NBPF12: variants seen among roughly 807,000 people sequenced by gnomAD.
The protein encoded by NBPF12 is NBPF member 12, also known as NBPF family member NBPF12.
A neutral mutation model predicts 146.4 loss-of-function variants in NBPF12; 115 were observed. That is an observed-to-expected ratio of 0.79 (90% CI 0.68 to 0.92). NBPF12 has a LOEUF of 0.92. Among genes scored for constraint, NBPF12 ranks in the 40% least tolerant of loss-of-function variants. NBPF12 has a pLI of 0.00. For synonymous variants in NBPF12, 385 were observed against 508.9 expected (o/e 0.76, Z 3.28); for missense variants, 1,205 against 1,326.8 (o/e 0.91, Z 1.43).
chr1:146,970,019 C>T (rs1348720005), intron 11 of NBPF12, among the ~76,000 whole-genome samples: 1 of 149,582 alleles, frequency 6.7e-6, no homozygotes, highest in Non-Finnish European at 1.5e-5. Flanking sequence ...CAAAGGCAGA[C>T]AAATTGTCTC....
intron 11 of NBPF12, among the ~76,000 whole-genome samples, chr1:146,970,142 G>T (rs1258351091): frequency 6.6e-6 from 1 of 150,702 alleles, no homozygotes; most frequent in Admixed American, 6.6e-5. Context: ...GGGGCATTTG[G>T]TGGTAGGAAG....
intron 11 of NBPF12, among the ~76,000 whole-genome samples, chr1:146,969,908 G>T (rs1656474606): frequency 6.6e-6 from 1 of 150,892 alleles, no homozygotes; most frequent in African/African-American, 2.5e-5. Flanking sequence ...AAAGAGCTCT[G>T]GGCTAAGAAT....
At chr1:146,962,168 A>G in exon 5 of NBPF12, 1 of 1,608,790 alleles carries the variant, frequency 6.2e-7, no homozygotes, top group South Asian at 1.1e-5. Flanking sequence ...CAGAGTATGA[A>G]GAGTGTAAAG....
intron 19 of NBPF12, among the ~76,000 whole-genome samples, chr1:146,981,602 C>A (rs1484890687): frequency 6.6e-6 from 1 of 151,792 alleles, no homozygotes; most frequent in Admixed American, 6.6e-5. Context: ...TGTTGGCCTT[C>A]CTTGTTAGGT....
At chr1:146,994,691 G>C (rs1312812641) in exon 34 of NBPF12, 2 of 1,509,680 alleles carry the variant, frequency 1.3e-6, no homozygotes, top group Non-Finnish European at 1.8e-6. Flanking sequence ...GGGTCAGTGG[G>C]CATGGCTCTA....
At chr1:146,963,457 G>A (rs1395059918) in intron 6 of NBPF12, 148 bp downstream of exon 9, 1 of 1,554,566 alleles carries the variant, frequency 6.4e-7, no homozygotes, top group African/African-American at 1.4e-5. Flanking sequence ...TCCTGGGTAA[G>A]AACAGAAATG....
intron 14 of NBPF12, among the ~76,000 whole-genome samples, chr1:146,973,455 C>T (rs1656787843): frequency 6.6e-6 from 1 of 150,706 alleles, no homozygotes; most frequent in Admixed American, 6.6e-5. Context: ...GGAGTCTGCT[C>T]CTAATAGAAC....
At chr1:146,951,291 A>G in intron 1 of NBPF12, 57 bp from the exon 5 acceptor site, 1 of 698,020 alleles carries the variant, frequency 1.4e-6, no homozygotes, top group East Asian at 2.7e-5. Context: ...AAAGTGTCTC[A>G]TTGGTAAAAC....
At chr1:146,938,890 G>C (rs1368069886) in exon 1 of NBPF12, 1 of 152,164 alleles carries the variant, frequency 6.6e-6, no homozygotes, top group African/African-American at 2.4e-5. Context: ...CGGGCGACCT[G>C]CGGCGCCAGG....
At chr1:146,992,536 C>A (rs1209999232) in intron 31 of NBPF12, among the ~76,000 whole-genome samples, 176 bp from the exon 35 acceptor site, 2 of 128,390 alleles carry the variant, frequency 1.6e-5, no homozygotes, top group East Asian at 5.1e-4. Context: ...CTCTTTCATT[C>A]TTTTCCATTT....
At chr1:146,961,629 T>C (rs1190304032) in intron 4 of NBPF12, among the ~76,000 whole-genome samples, 5 of 152,076 alleles carry the variant, frequency 3.3e-5, no homozygotes, top group African/African-American at 1.2e-4. Flanking sequence ...GGCCTTATTT[T>C]CTTATGTCTC....
chr1:146,939,399 G>A (rs1448226222), intron 1 of NBPF12, among the ~76,000 whole-genome samples: 40 of 152,076 alleles, frequency 2.6e-4, no homozygotes, highest in Non-Finnish European at 3.7e-4. Context: ...ATTGGCCTCC[G>A]GGATTCTGCT....
chr1:146,943,498 A>T (rs1468579324), exon 2 of NBPF12: 22 of 1,393,252 alleles, frequency 1.6e-5, no homozygotes, highest in Non-Finnish European at 2.1e-5. Flanking sequence ...AAACTTACCC[A>T]TTCAGTGCAC....
intron 9 of NBPF12, among the ~76,000 whole-genome samples, chr1:146,967,788 T>TA (rs1194034699): frequency 6.6e-6 from 1 of 150,534 alleles, no homozygotes; most frequent in African/African-American, 2.5e-5. Context: ...ACATGAGCTA[T>TA]TTCTTGTCAA....
intron 11 of NBPF12, among the ~76,000 whole-genome samples, chr1:146,969,832 G>A (rs1165363711): frequency 6.6e-6 from 1 of 151,190 alleles, no homozygotes; most frequent in Admixed American, 6.6e-5. Context: ...TGGAGCAAGA[G>A]GCAGCATCTA....
intron 8 of NBPF12, among the ~76,000 whole-genome samples, chr1:146,965,678 GCT>G (rs1405822335): frequency 7.5e-5 from 11 of 147,470 alleles, no homozygotes; most frequent in Non-Finnish European, 1.2e-4. Flanking sequence ...TGTAGTCCCA[GCT>G]ACTCAGGAGG....
rs1658234580 is a variant in NBPF12 at position 146,992,437 on chromosome 1, TC to T, written c.3849-274del. 1.7e-3 allele frequency among the ~76,000 whole-genome samples: 127 copies of T among 76,952 alleles called. 2 individuals carry two copies. The highest frequency in any genetic ancestry group is 7.5e-3 in the African/African-American group (123 of 16,346). 50.5% of individuals were successfully genotyped at this position (76,952 alleles called of 152,430 possible). A position where few individuals can be genotyped will look rare whatever the true frequency, so the allele number is the denominator to read the frequency against. On this transcript the variant is annotated intron_variant, in intron 31 of 33. Transcript: ENST00000617844. ...CCTGGACAATTCACTGAGCTCGTTC[TC>T]TCTCTCTCTCTCTCTCTCTCTCTCT... is the stretch of plus-strand genomic sequence containing the variant.
intron 21 of NBPF12, among the ~76,000 whole-genome samples, chr1:146,984,545 G>C (rs1368933131): frequency 2.0e-5 from 3 of 150,048 alleles, no homozygotes; most frequent in Non-Finnish European, 2.9e-5. Flanking sequence ...TCCCTCATCA[G>C]TGTGTCACCC....
chr1:146,943,215 A>T (rs1382351080), intron 1 of NBPF12, 76 bp from the exon 2 acceptor site: 1 of 168,748 alleles, frequency 5.9e-6, no homozygotes, highest in African/African-American at 2.4e-5. Context: ...GTCTCGGTAA[A>T]TGGCAGCTTC....
Sources: allele counts gnomAD v4.1 joint callset (sites outside exome capture counted in the v4.1 genomes callset), GRCh38; gene constraint gnomAD v4.1.1; transcripts MANE v1.5; gene names NCBI Gene and HGNC (gene_info 2026-07-23, HGNC 2026-07-21).